Variants in PODN observed in about 807,000 individuals in gnomAD.
PODN encodes the protein podocan proteoglycan.
PODN carries 40 observed loss-of-function variants against 52.7 expected under a neutral mutation model. The observed-to-expected ratio is 0.76, with a 90% CI of 0.59 to 0.99. The LOEUF is 0.99. Among genes scored for constraint, PODN ranks in the 50% least tolerant of loss-of-function variants. The pLI, the probability that PODN is intolerant of heterozygous loss-of-function variation, is 0.00. For missense variants in PODN, 720 were observed against 815.1 expected (o/e 0.88, Z 1.42); for synonymous variants, 396 against 377.9 (o/e 1.05, Z -0.56).
chr1:53,070,613 C>A (rs1644103090), intron 2 of PODN, among the ~76,000 whole-genome samples: 1 of 152,350 alleles, frequency 6.6e-6, no homozygotes, highest in Admixed American at 6.5e-5. Context: ...GAATTTGGAA[C>A]CTTGAGAGGT....
At position 53,065,481 on chromosome 1, in the gene PODN, G is replaced by A. The variant is rs1325028359; in HGVS notation, c.-56+3173G>A. Among the ~76,000 whole-genome samples the A allele has an allele frequency of 3.3e-5, 5 of 152,286 alleles. No homozygotes were observed. In the South Asian group the frequency reaches 8.3e-4, roughly 25 times the overall value. On this transcript the variant is annotated intron_variant, in intron 1 of 10. Transcript: ENST00000312553. ...CCTCACAGCCCTGAGAGTGGCTGGC[G>A]AAGCTGGAGGGACCACTCTCCAAGC...
At chr1:53,073,938 C>T (rs776771980) in intron 3 of PODN, among the ~76,000 whole-genome samples, 2 of 152,240 alleles carry the variant, frequency 1.3e-5, no homozygotes, top group African/African-American at 4.8e-5. Context: ...TCTTAGCCGT[C>T]GGCTCAGCCG....
chr1:53,074,537 G>T, intron 3 of PODN, 69 bp from the exon 4 acceptor site: 6 of 1,572,496 alleles, frequency 3.8e-6, no homozygotes, highest in Non-Finnish European at 5.2e-6. Flanking sequence ...GGAGGAGGGT[G>T]GGCGCTTGCT....
intron 1 of PODN, among the ~76,000 whole-genome samples, chr1:53,067,419 C>A (rs1314036154): frequency 6.6e-6 from 1 of 152,116 alleles, no homozygotes; most frequent in Non-Finnish European, 1.5e-5. Flanking sequence ...GGACAGGGAT[C>A]TTTTCCACCT....
At chr1:53,077,592 G>A (rs1376013129) in intron 6 of PODN, 93 bp from the exon 7 acceptor site, 17 of 1,304,978 alleles carry the variant, frequency 1.3e-5, no homozygotes, top group Admixed American at 2.2e-5. Context: ...CTTCCTGGTG[G>A]CTTCCCAGAC....
rs928963635 is a variant in PODN at position 53,077,726 on chromosome 1, G to A, written c.780G>A (p.Glu260=). ...LEKIPPGAFS[E]LSSLRELYLQ... ...AGATCCCCCCGGGGGCCTTCAGCGA[G>A]CTGAGCAGCCTGCGCGAGCTATACC... The change falls in exon 7 of 11, where the codon GAG becomes GAA. Residue 260 remains glutamate (E), a synonymous_variant. Transcript: ENST00000312553. The A allele has an allele frequency of 1.2e-6, 2 of 1,613,602 alleles. No individual in the cohort carries two copies. Among genetic ancestry groups the A allele is most frequent in the Non-Finnish European group, 1.7e-6 (2 of 1,179,966 alleles).
intron 3 of PODN, among the ~76,000 whole-genome samples, chr1:53,074,002 C>T (rs1008734477): frequency 4.6e-5 from 7 of 152,262 alleles, no homozygotes; most frequent in African/African-American, 1.4e-4. Context: ...ATAGTGGCAG[C>T]AGGGTGTTCC....
In PODN at chr1:53,070,068, C is replaced by T. The variant is rs775239818; in HGVS notation, c.213C>T (p.Asp71=). ...CAGCCGCGGTCAGCTGCCCCCGAGACTGTGCCTGTTCCCAGGAGGGCGTCG... is the reference window on the plus strand; with the variant it reads ...CAGCCGCGGTCAGCTGCCCCCGAGATTGTGCCTGTTCCCAGGAGGGCGTCG... ...PGPAAVSCPR[D]CACSQEGVVD... is the part of the protein sequence containing the mutation. Residue 71 remains aspartate (D), a synonymous_variant, in exon 2 of 11, where the codon GAC becomes GAT. Transcript: ENST00000312553. 60 of 1,612,994 alleles carry T rather than the reference C, an allele frequency of 3.7e-5. No individual in the cohort carries two copies. The highest frequency in any genetic ancestry group is 4.8e-5 in the Non-Finnish European group (57 of 1,180,010).
intron 1 of PODN, 87 bp from the exon 2 acceptor site, chr1:53,069,714 G>T (rs1644083045): frequency 4.7e-6 from 7 of 1,479,052 alleles, no homozygotes; most frequent in Non-Finnish European, 5.4e-6. Context: ...GGGCTCTGAG[G>T]ACAGTCCAGA....
intron 1 of PODN, among the ~76,000 whole-genome samples, chr1:53,062,867 C>G (rs773750562): frequency 1.3e-5 from 2 of 152,256 alleles, no homozygotes; most frequent in African/African-American, 2.4e-5. Flanking sequence ...CTCGGCTTCC[C>G]CGGCCACTGT....
chr1:53,062,242 G>A lies in PODN; in HGVS notation c.-122G>A, dbSNP rs749420133. 49 of 1,274,746 alleles carry A rather than the reference G, an allele frequency of 3.8e-5. No homozygotes were observed. Among genetic ancestry groups the A allele is most frequent in the Non-Finnish European group, 4.8e-5 (48 of 1,003,702 alleles). The allele number at this position is 1,274,746 out of a possible 1,614,324, so 79.0% of individuals were successfully genotyped here. On this transcript the variant is annotated 5_prime_UTR_variant, in exon 1 of 11. Transcript: ENST00000312553. The stretch of plus-strand genomic sequence containing the variant: ...TGAATGGAAGGAGCCCGAGCCCGCG[G>A]AGCGCAGCTGAGACTGGGGGAGCGC...
In PODN at chr1:53,070,110, T is replaced by A; in HGVS notation, c.255T>A (p.Ile85=). 1 of 1,612,248 alleles carries A rather than the reference T, an allele frequency of 6.2e-7. No individual in the cohort carries two copies. Among genetic ancestry groups the A allele is most frequent in the Non-Finnish European group, 8.5e-7 (1 of 1,179,874 alleles). ...AGGGCGTCGTGGACTGTGGCGGTAT[T>A]GACCTGCGTGAGTTCCCGGGGGACC... ...SQEGVVDCGG[I]DLREFPGDLP... is the part of the protein sequence containing the mutation. Residue 85 remains isoleucine, a synonymous_variant, in exon 2 of 11, where the codon ATT becomes ATA. Transcript: ENST00000312553.
intron 3 of PODN, chr1:53,073,397 T>C (rs1436826857): frequency 6.6e-6 from 1 of 152,532 alleles, no homozygotes; most frequent in Non-Finnish European, 1.5e-5. Context: ...ACATAGTGAT[T>C]GGTTGAAGAA....
rs1269687870 is a variant in PODN, at chr1:53,085,236, A to T, written c.*751A>T. ...GGACACAGGCACTTTTCCAATGGGC[A>T]AGCCCAGTGGAGGCAGGATGGGAGA... On this transcript the variant is annotated 3_prime_UTR_variant, in exon 11 of 11. Transcript: ENST00000312553. 3 of 152,218 alleles carry T rather than the reference A, an allele frequency of 2.0e-5. No homozygotes were observed. Among genetic ancestry groups the T allele is most frequent in the African/African-American group, 7.2e-5 (3 of 41,404 alleles). 9.4% of individuals were successfully genotyped at this position (152,218 alleles called of 1,614,324 possible). A position where few individuals can be genotyped will look rare whatever the true frequency, so the allele number is the denominator to read the frequency against.
chr1:53,066,166 T>C (rs1644030727), intron 1 of PODN, among the ~76,000 whole-genome samples: 1 of 151,896 alleles, frequency 6.6e-6, no homozygotes, highest in South Asian at 2.1e-4. Flanking sequence ...TGGCTAATTT[T>C]TTGTATTTTT....
chr1:53,080,557 T>C, intron 8 of PODN, 171 bp from the exon 9 acceptor site: 1 of 682,696 alleles, frequency 1.5e-6, no homozygotes. Flanking sequence ...ACTTAACCTC[T>C]CTGAGCCTCT....
chr1:53,071,549 A>C lies in PODN; in HGVS notation c.327A>C (p.Glu109Asp). 1 of 1,613,574 alleles carries C rather than the reference A, an allele frequency of 6.2e-7. No individual in the cohort carries two copies. Among genetic ancestry groups the C allele is most frequent in the Non-Finnish European group, 8.5e-7 (1 of 1,179,830 alleles). The change falls in exon 3 of 11, where the codon GAA becomes GAC. Residue 109 changes from glutamate to aspartate, a missense_variant. By Grantham distance (45) the Glu-to-Asp change is conservative (BLOSUM62 2). Coordinates refer to ENST00000312553, the MANE Select transcript of PODN (RefSeq NM_153703.5). ...TACCCCCCTAGAACAACCAGCTGGA[A>C]AAGATCTACCCTGAGGAGCTCTCCC... ...NHLSLQNNQLEKIYPEELSRL... is the reference protein window; with the variant it reads ...NHLSLQNNQLDKIYPEELSRL...
At chr1:53,070,260 C>A in intron 2 of PODN, 93 bp downstream of exon 2, 1 of 1,554,444 alleles carries the variant, frequency 6.4e-7, no homozygotes, top group Non-Finnish European at 8.6e-7. Context: ...AAACTGTTCA[C>A]CCAGAACCTC....
At chr1:53,065,211 C>G (rs547232153) in intron 1 of PODN, among the ~76,000 whole-genome samples, 1 of 152,262 alleles carries the variant, frequency 6.6e-6, no homozygotes, top group Non-Finnish European at 1.5e-5. Context: ...TAGCCAGATG[C>G]CAGGTGTGGA....
Sources: gnomAD v4.1 joint callset for allele counts (sites outside exome capture counted in the v4.1 genomes callset) on GRCh38, gnomAD v4.1.1 for gene constraint, MANE v1.5 for transcripts, NCBI Gene and HGNC (gene_info 2026-07-23, HGNC 2026-07-21) for gene names.